MAGI1: variants seen among roughly 807,000 people sequenced by gnomAD.
MAGI1 encodes the protein membrane associated guanylate kinase, WW and PDZ domain containing 1.
In MAGI1, 58 loss-of-function variants were observed where a neutral mutation model predicts 139.9. That is an observed-to-expected ratio of 0.41 (90% CI 0.34 to 0.52). The LOEUF is 0.52. Ranked by LOEUF, MAGI1 falls within the 20% of genes least tolerant of loss-of-function variation. The pLI, the probability that MAGI1 is intolerant of heterozygous loss-of-function variation, is 0.12. For synonymous variants in MAGI1, 812 were observed against 737.9 expected (o/e 1.10, Z -1.63); for missense variants, 1,874 against 1,901.6 (o/e 0.99, Z 0.27).
chr3:65,427,299 G>C (rs111665055), intron 12 of MAGI1, among the ~76,000 whole-genome samples: 28,090 of 152,044 alleles, frequency 0.18, 2,833 homozygotes, highest in Non-Finnish European at 0.24. Flanking sequence ...GTGACAAAGT[G>C]AGACCCTGTC....
intron 1 of MAGI1, among the ~76,000 whole-genome samples, chr3:65,970,922 A>G (rs1381462844): frequency 6.6e-6 from 1 of 152,162 alleles, no homozygotes; most frequent in Non-Finnish European, 1.5e-5. Context: ...ATAAATAAAT[A>G]GGCTGGGCAC....
chr3:65,419,412 A>G (rs2107264798), intron 12 of MAGI1, among the ~76,000 whole-genome samples: 1 of 152,338 alleles, frequency 6.6e-6, no homozygotes, highest in East Asian at 1.9e-4. Flanking sequence ...CACTTCCAAG[A>G]AAAACACTGG....
chr3:65,836,374 G>T (rs2042804476), intron 1 of MAGI1, among the ~76,000 whole-genome samples: 1 of 152,150 alleles, frequency 6.6e-6, no homozygotes, highest in Admixed American at 6.5e-5. Flanking sequence ...CACCTTTCTG[G>T]TTTCTTAAAG....
intron 1 of MAGI1, among the ~76,000 whole-genome samples, chr3:65,936,623 T>C (rs1350698804): frequency 6.6e-6 from 1 of 151,612 alleles, no homozygotes; most frequent in East Asian, 1.9e-4. Flanking sequence ...TAGATATATA[T>C]ATATTATATT....
chr3:65,498,122 C>T (rs1328548165), intron 2 of MAGI1, among the ~76,000 whole-genome samples: 3 of 152,086 alleles, frequency 2.0e-5, no homozygotes, highest in African/African-American at 4.8e-5. Context: ...GCTGGACACA[C>T]GCCTGGCAGA....
intron 1 of MAGI1, among the ~76,000 whole-genome samples, chr3:65,686,458 A>AT (rs1331245524): frequency 6.6e-6 from 1 of 151,828 alleles, no homozygotes; most frequent in Non-Finnish European, 1.5e-5. Context: ...AGCCCAGCTA[A>AT]TTTTTTTTAT....
rs906206610 is a variant in MAGI1 at position 65,394,959 on chromosome 3, T to C, written c.2200-3601A>G. Among the ~76,000 whole-genome samples the C allele has an allele frequency of 4.6e-5, 7 of 152,266 alleles. No homozygotes were observed. In the East Asian group the frequency reaches 9.7e-4, roughly 21 times the overall value. On this transcript the variant is annotated intron_variant, in intron 13 of 22. Transcript: ENST00000402939. Reference sequence around the variant, plus strand: ...GGTGAGACACTAGCCCAAAGACAAGTAGCTGTAGTTAAAAGTATACTTTTA... The same window carrying C: ...GGTGAGACACTAGCCCAAAGACAAGCAGCTGTAGTTAAAAGTATACTTTTA...
chr3:65,585,647 A>G (rs977334896), intron 2 of MAGI1, among the ~76,000 whole-genome samples: 1 of 152,202 alleles, frequency 6.6e-6, no homozygotes, highest in Admixed American at 6.5e-5. Flanking sequence ...GCCATACTAC[A>G]CAGAGATCTC....
intron 2 of MAGI1, among the ~76,000 whole-genome samples, chr3:65,530,148 G>A (rs989502882): frequency 7.2e-5 from 11 of 152,086 alleles, no homozygotes; most frequent in African/African-American, 2.4e-4. Flanking sequence ...CAAGATCAAC[G>A]CCATAATCAT....
intron 1 of MAGI1, among the ~76,000 whole-genome samples, chr3:66,025,163 G>C (rs1462437778): frequency 6.6e-6 from 1 of 152,150 alleles, no homozygotes; most frequent in Non-Finnish European, 1.5e-5. Flanking sequence ...TTAAAGTAGA[G>C]CTTATTATAT....
intron 4 of MAGI1, among the ~76,000 whole-genome samples, chr3:65,473,564 A>G (rs1166038655): frequency 6.6e-6 from 1 of 151,370 alleles, no homozygotes; most frequent in Non-Finnish European, 1.5e-5. Context: ...GAAACTGGAT[A>G]TAACAGGAAA....
intron 1 of MAGI1, among the ~76,000 whole-genome samples, chr3:66,020,126 C>T (rs1006779844): frequency 6.6e-6 from 1 of 152,172 alleles, no homozygotes; most frequent in African/African-American, 2.4e-5. Flanking sequence ...CCCGTTTGCC[C>T]CTGTTATCCA....
intron 2 of MAGI1, among the ~76,000 whole-genome samples, chr3:65,541,617 T>A (rs1170704616): frequency 6.6e-6 from 1 of 152,218 alleles, no homozygotes; most frequent in Non-Finnish European, 1.5e-5. Flanking sequence ...TGGTTCAACG[T>A]ACGCAAATCA....
rs1322362776 is a variant in MAGI1, at chr3:65,437,662, G to T, written c.1271-415C>A. 2.6e-5 allele frequency among the ~76,000 whole-genome samples: 4 copies of T among 151,962 alleles called. No homozygotes were observed. In the South Asian group the frequency reaches 6.2e-4, roughly 24 times the overall value. ...AGGTAGATTTCAGCAGTTTGCTAAG[G>T]GTGTGCTCTTCTGTTATCTCTGAAT... On this transcript the variant is annotated intron_variant, in intron 9 of 22. Coordinates refer to ENST00000402939, the MANE Select transcript of MAGI1 (RefSeq NM_001033057.2).
intron 10 of MAGI1, among the ~76,000 whole-genome samples, chr3:65,436,547 G>A (rs1160460721): frequency 1.3e-5 from 2 of 152,142 alleles, no homozygotes; most frequent in African/African-American, 4.8e-5. Context: ...CAAGAATAGG[G>A]AATGAGAACT....
At chr3:65,433,356 T>C (rs1346624531) in intron 10 of MAGI1, among the ~76,000 whole-genome samples, 1 of 152,196 alleles carries the variant, frequency 6.6e-6, no homozygotes, top group African/African-American at 2.4e-5. Context: ...TATTTTGTGC[T>C]GAGAATGTTA....
intron 2 of MAGI1, among the ~76,000 whole-genome samples, chr3:65,527,156 G>C (rs2078423843): frequency 6.6e-6 from 1 of 152,216 alleles, no homozygotes. Flanking sequence ...CAGCTCCTTT[G>C]TCACACCAGT....
intron 1 of MAGI1, among the ~76,000 whole-genome samples, chr3:65,748,166 C>T (rs869557): frequency 0.18 from 27,615 of 152,126 alleles, 2,843 homozygotes; most frequent in South Asian, 0.4. Context: ...CAAATTTAGA[C>T]ATGAAGATTT....
At chr3:65,930,315 C>CAAAAA (rs58258730) in intron 1 of MAGI1, among the ~76,000 whole-genome samples, 11 of 87,630 alleles carry the variant, frequency 1.3e-4, no homozygotes, top group African/African-American at 2.1e-4. Context: ...GACTCCGTCT[C>CAAAAA]AAAAAAAAAA....
Sources: allele counts gnomAD v4.1 joint callset (sites outside exome capture counted in the v4.1 genomes callset), GRCh38; gene constraint gnomAD v4.1.1; transcripts MANE v1.5; gene names NCBI Gene and HGNC (gene_info 2026-07-23, HGNC 2026-07-21).